The following TPCN1 variants were observed in gnomAD, a reference collection of about 807,000 sequenced individuals.
TPCN1 encodes two pore segment channel 1, also known as two pore channel protein 1.
TPCN1 carries 52 observed loss-of-function variants against 108.8 expected under a neutral mutation model. The ratio of observed to expected loss-of-function variants is 0.48; its 90% CI spans 0.38 to 0.60. The LOEUF (loss-of-function observed/expected upper bound fraction) is 0.60, where lower values mean the gene tolerates loss of function less well. Among genes scored for constraint, TPCN1 ranks in the 20% least tolerant of loss-of-function variants. The pLI, the probability that TPCN1 is intolerant of heterozygous loss-of-function variation, is 0.00. For synonymous variants in TPCN1, 446 were observed against 433.7 expected (o/e 1.03, Z -0.35); for missense variants, 806 against 1,072.8 (o/e 0.75, Z 3.47).
In TPCN1 at chr12:113,288,068, C is replaced by T. The variant is rs977932306; in HGVS notation, c.1635-95C>T. On this transcript the variant is annotated intron_variant, in intron 19 of 27. Transcript: ENST00000335509. This position sits in a 1 kb window ranked among gnomAD's most constrained non-coding sequence, Gnocchi z 4.8. ...AGGAGAGGCCCTCACCTGTCTTCAC[C>T]GCATGGCGTGTGGAAGGCGGGGCCG... 81 of 1,261,076 alleles carry T rather than the reference C, an allele frequency of 6.4e-5. No homozygotes were observed. Among genetic ancestry groups the T allele is most frequent in the Non-Finnish European group, 8.0e-5 (71 of 886,420 alleles). The allele number at this position is 1,261,076 out of a possible 1,614,324, so 78.1% of individuals were successfully genotyped here.
At chr12:113,277,196 AG>A in intron 11 of TPCN1, 43 bp from the exon 12 acceptor site, 3 of 1,610,056 alleles carry the variant, frequency 1.9e-6, no homozygotes, top group Non-Finnish European at 2.5e-6. Context: ...CCCCAAGGGA[AG>A]GGGAGTAGCC....
intron 22 of TPCN1, among the ~76,000 whole-genome samples, chr12:113,290,677 C>T (rs1181289660): frequency 1.3e-5 from 2 of 152,144 alleles, no homozygotes; most frequent in Non-Finnish European, 2.9e-5. Context: ...CCCATGACAC[C>T]CCAGATCTGC....
chr12:113,227,524 C>G (rs1256017307), intron 2 of TPCN1, among the ~76,000 whole-genome samples: 3 of 152,176 alleles, frequency 2.0e-5, no homozygotes, highest in Admixed American at 6.5e-5. Context: ...AAAGTGAACC[C>G]AAGTGCGGCA....
At position 113,269,715 on chromosome 12, in the gene TPCN1, C is replaced by G; in HGVS notation, c.660-42C>G. 1 of 1,585,966 alleles carries G rather than the reference C, an allele frequency of 6.3e-7. No individual in the cohort carries two copies. Among genetic ancestry groups the G allele is most frequent in the Admixed American group, 1.7e-5 (1 of 59,732 alleles). On this transcript the variant is annotated intron_variant, in intron 6 of 27. Transcript: ENST00000335509. The surrounding 1 kb of genome is among the most constrained non-coding windows in gnomAD (Gnocchi z 5.0). ...ACAAGGAGGAGTCCCAGGCAGCCCG[C>G]CCCAGCTGGTGCCTCCCCTGAGCTG...
In TPCN1 at chr12:113,231,164, C is replaced by A. The variant is rs565180121; in HGVS notation, c.112+4200C>A. Among the ~76,000 whole-genome samples the A allele has an allele frequency of 1.4e-4, 22 of 152,332 alleles. No individual in the cohort carries two copies. Among genetic ancestry groups the A allele is most frequent in the African/African-American group, 5.1e-4 (21 of 41,578 alleles). On this transcript the variant is annotated intron_variant, in intron 2 of 27. Coordinates refer to ENST00000335509, the MANE Select transcript of TPCN1 (RefSeq NM_017901.6). This position sits in a 1 kb window ranked among gnomAD's most constrained non-coding sequence, Gnocchi z 4.3. ...TGTTTTGGCCCAGCAGCCGCTGAGG[C>A]CTTCTCAGCACTGTACCTCCACGCT...
At chr12:113,281,817 G>T (rs6489895) in intron 15 of TPCN1, among the ~76,000 whole-genome samples, 7,555 of 152,176 alleles carry the variant, frequency 0.05, 501 homozygotes, top group East Asian at 0.15. Flanking sequence ...GGGAGTACGG[G>T]TGTGAGCCAG....
At position 113,273,498 on chromosome 12, in the gene TPCN1, T is replaced by C. The variant is rs1955573026; in HGVS notation, c.843-71T>C. On this transcript the variant is annotated intron_variant, in intron 9 of 27. Coordinates refer to ENST00000335509, the MANE Select transcript of TPCN1 (RefSeq NM_017901.6). This position sits in a 1 kb window ranked among gnomAD's most constrained non-coding sequence, Gnocchi z 4.0. ...GGAAGGCAGACAAGGAGCTGTCCTC[T>C]GCAAGGCATGTGCTCTGAGAGGATG... is the stretch of plus-strand genomic sequence containing the variant. 1 of 1,367,766 alleles carries C rather than the reference T, an allele frequency of 7.3e-7. No individual in the cohort carries two copies. The highest frequency in any genetic ancestry group is 1.0e-6 in the Non-Finnish European group (1 of 956,034). The allele number at this position is 1,367,766 out of a possible 1,614,324, so 84.7% of individuals were successfully genotyped here. A position where few individuals can be genotyped will look rare whatever the true frequency, so the allele number is the denominator to read the frequency against.
At chr12:113,259,324 C>A (rs1954939522) in intron 2 of TPCN1, among the ~76,000 whole-genome samples, 1 of 152,158 alleles carries the variant, frequency 6.6e-6, no homozygotes, top group Non-Finnish European at 1.5e-5. Flanking sequence ...ATTTACAATG[C>A]AGATTTACAG....
chr12:113,272,783 G>C lies in TPCN1; in HGVS notation c.783+91G>C, dbSNP rs559830795. 37 of 1,305,438 alleles carry C rather than the reference G, an allele frequency of 2.8e-5. No homozygotes were observed. In the East Asian group the frequency reaches 8.5e-4, roughly 30 times the overall value. 80.9% of individuals were successfully genotyped at this position (1,305,438 alleles called of 1,614,324 possible). ...CGGCGTGACCCTGTGGCCATATGGG[G>C]AAGGGGGGGCCTGCCTGGTTTCTCA... On this transcript the variant is annotated intron_variant, in intron 8 of 27. Transcript: ENST00000335509. This position sits in a 1 kb window ranked among gnomAD's most constrained non-coding sequence, Gnocchi z 4.1.
intron 2 of TPCN1, among the ~76,000 whole-genome samples, chr12:113,259,256 C>T (rs1262034877): frequency 4.6e-5 from 7 of 152,280 alleles, no homozygotes; most frequent in Middle Eastern, 3.4e-3. Flanking sequence ...GGATTACAGG[C>T]GTGAGCCACC....
chr12:113,237,675 G>A (rs897091560), intron 2 of TPCN1, among the ~76,000 whole-genome samples: 11 of 152,178 alleles, frequency 7.2e-5, no homozygotes, highest in Non-Finnish European at 1.6e-4. Context: ...TACTTCTTAA[G>A]AGGCACTCAG....
chr12:113,281,185 T>G (rs982887825), intron 15 of TPCN1, among the ~76,000 whole-genome samples: 1 of 152,050 alleles, frequency 6.6e-6, no homozygotes, highest in African/African-American at 2.4e-5. Context: ...GGATTACAGG[T>G]GTGTGCCACC....
intron 2 of TPCN1, among the ~76,000 whole-genome samples, chr12:113,250,564 T>TAGG (rs1954594169): frequency 6.6e-6 from 1 of 152,234 alleles, no homozygotes; most frequent in Non-Finnish European, 1.5e-5. Context: ...GCCCAGCACC[T>TAGG]AGGAGCTGAC....
At chr12:113,241,384 G>A (rs1054817960) in intron 2 of TPCN1, among the ~76,000 whole-genome samples, 1 of 152,248 alleles carries the variant, frequency 6.6e-6, no homozygotes. Context: ...TCCAGGTGCT[G>A]GGGCGTGGCC....
rs545912760 is a variant in TPCN1 at position 113,223,478 on chromosome 12, G to T, written c.-126+1852G>T. Among the ~76,000 whole-genome samples the T allele has an allele frequency of 1.1e-3, 163 of 148,826 alleles. 2 individuals are homozygous for T. The highest frequency in any genetic ancestry group is 7.1e-3 in the Admixed American group (106 of 14,942). ...GGTTCTTCTCAGCGGAAACGGGAAT[G>T]TGCATAAATAGGAGCTGTAACAGGC... On this transcript the variant is annotated intron_variant, in intron 1 of 27. Coordinates refer to ENST00000335509, the MANE Select transcript of TPCN1 (RefSeq NM_017901.6).
chr12:113,290,386 C>A, intron 22 of TPCN1, 143 bp downstream of exon 22: 1 of 649,268 alleles, frequency 1.5e-6, no homozygotes, highest in Non-Finnish European at 2.7e-6. Flanking sequence ...AGGACTTGGT[C>A]TGCCCAGCTT....
chr12:113,259,923 T>A (rs17701813), intron 2 of TPCN1, among the ~76,000 whole-genome samples: 4,685 of 152,314 alleles, frequency 0.031, 128 homozygotes, highest in Middle Eastern at 0.075. Flanking sequence ...ACAAATCCAG[T>A]TGTTTTTAAT....
At chr12:113,239,657 C>T (rs568052626) in intron 2 of TPCN1, among the ~76,000 whole-genome samples, 39 of 152,200 alleles carry the variant, frequency 2.6e-4, no homozygotes, top group African/African-American at 9.2e-4. Context: ...CAGAAGTAGC[C>T]CAGCAGGGCA....
intron 19 of TPCN1, 100 bp downstream of exon 19, chr12:113,287,194 C>A (rs1956112555): frequency 6.0e-6 from 6 of 992,612 alleles, no homozygotes; most frequent in Non-Finnish European, 9.3e-6. Context: ...CCAGAAGGTT[C>A]ACAAGCCAGA....
Sources: allele counts gnomAD v4.1 joint callset (sites outside exome capture counted in the v4.1 genomes callset), GRCh38; gene constraint gnomAD v4.1.1; non-coding constraint Gnocchi (gnomAD v3.1); transcripts MANE v1.5; gene names NCBI Gene and HGNC (gene_info 2026-07-23, HGNC 2026-07-21).